Variants in RCAN2 observed in about 807,000 individuals in gnomAD.
RCAN2 encodes the protein calcipressin-2.
A neutral mutation model predicts 23.6 loss-of-function variants in RCAN2; 9 were observed. That is an observed-to-expected ratio of 0.38 (90% CI 0.23 to 0.67). The LOEUF (loss-of-function observed/expected upper bound fraction) is 0.67. Among genes scored for constraint, RCAN2 ranks in the 30% least tolerant of loss-of-function variants. The pLI is 0.51. For synonymous variants in RCAN2, 109 were observed against 115.7 expected (o/e 0.94, Z 0.37); for missense variants, 273 against 302.3 (o/e 0.90, Z 0.72).
At chr6:46,417,089 C>T (rs1766734849) in intron 2 of RCAN2, among the ~76,000 whole-genome samples, 1 of 152,176 alleles carries the variant, frequency 6.6e-6, no homozygotes, top group South Asian at 2.1e-4. Context: ...TCCAATATTG[C>T]TTTACTATTT....
intron 2 of RCAN2, among the ~76,000 whole-genome samples, chr6:46,346,880 T>A (rs74869372): frequency 0.45 from 68,080 of 151,166 alleles, 16,191 homozygotes; most frequent in East Asian, 0.61. Context: ...TTAATTAATT[T>A]ATTTATTTAT....
intron 2 of RCAN2, among the ~76,000 whole-genome samples, chr6:46,354,946 T>C (rs1020464403): frequency 7.6e-6 from 1 of 131,464 alleles, no homozygotes; most frequent in Non-Finnish European, 1.6e-5. Context: ...TGTGTGTGTG[T>C]TAGGCAGAAT....
chr6:46,446,321 G>A (rs980958489), intron 2 of RCAN2, among the ~76,000 whole-genome samples: 5 of 142,070 alleles, frequency 3.5e-5, no homozygotes, highest in Non-Finnish European at 7.7e-5. Context: ...GGTGCTGGGG[G>A]GAAACTGCCA....
At chr6:46,414,595 T>C (rs989269457) in intron 2 of RCAN2, among the ~76,000 whole-genome samples, 2 of 152,186 alleles carry the variant, frequency 1.3e-5, no homozygotes, top group South Asian at 2.1e-4. Context: ...ACCCTCCATA[T>C]GTGGGTGGAC....
chr6:46,254,614 A>G (rs1176128766), intron 2 of RCAN2, among the ~76,000 whole-genome samples: 3 of 152,172 alleles, frequency 2.0e-5, no homozygotes, highest in African/African-American at 7.2e-5. Context: ...CACGGTCACA[A>G]GCAGATTTTT....
chr6:46,393,544 A>G (rs568791937), intron 2 of RCAN2, among the ~76,000 whole-genome samples: 3 of 152,322 alleles, frequency 2.0e-5, no homozygotes, highest in African/African-American at 7.2e-5. Flanking sequence ...CATTTTCTAA[A>G]TACTCTATTT....
chr6:46,418,364 TA>T (rs1229902754), intron 2 of RCAN2, among the ~76,000 whole-genome samples: 3 of 152,194 alleles, frequency 2.0e-5, no homozygotes, highest in Non-Finnish European at 2.9e-5. Context: ...TTCAGCCCTC[TA>T]ATCATTAAAG....
At chr6:46,440,268 T>G (rs1161933300) in intron 2 of RCAN2, among the ~76,000 whole-genome samples, 1 of 152,200 alleles carries the variant, frequency 6.6e-6, no homozygotes, top group African/African-American at 2.4e-5. Flanking sequence ...AGTGCTTTTC[T>G]AAAACCATGT....
intron 2 of RCAN2, among the ~76,000 whole-genome samples, chr6:46,291,434 C>T (rs564549996): frequency 6.6e-6 from 1 of 151,760 alleles, no homozygotes; most frequent in South Asian, 2.1e-4. Flanking sequence ...GCCACCGAGT[C>T]CCAGCGGTGG....
chr6:46,375,917 C>T (rs969866707), intron 2 of RCAN2, among the ~76,000 whole-genome samples: 2 of 152,220 alleles, frequency 1.3e-5, no homozygotes, highest in Non-Finnish European at 2.9e-5. Context: ...CTAGACCATA[C>T]ACAATGGGCC....
intron 2 of RCAN2, among the ~76,000 whole-genome samples, chr6:46,438,921 G>T (rs1282258058): frequency 6.6e-6 from 1 of 152,136 alleles, no homozygotes; most frequent in Non-Finnish European, 1.5e-5. Context: ...CTTTCGCTTT[G>T]TTAGTGTATT....
At chr6:46,366,969 C>T (rs925493429) in intron 2 of RCAN2, among the ~76,000 whole-genome samples, 2 of 139,300 alleles carry the variant, frequency 1.4e-5, no homozygotes, top group Admixed American at 7.6e-5. Flanking sequence ...TAGCCCAACT[C>T]CCCACCCACT....
At chr6:46,409,572 T>C (rs1387602903) in intron 2 of RCAN2, among the ~76,000 whole-genome samples, 1 of 152,198 alleles carries the variant, frequency 6.6e-6, no homozygotes, top group Non-Finnish European at 1.5e-5. Flanking sequence ...AGATCACTTT[T>C]TCCAATATAT....
intron 4 of RCAN2, among the ~76,000 whole-genome samples, chr6:46,232,444 T>C (rs1765929244): frequency 2.0e-5 from 3 of 151,748 alleles, no homozygotes; most frequent in Non-Finnish European, 4.4e-5. Context: ...TGGTTGGGGG[T>C]GTCTCTAAGC....
chr6:46,411,136 G>A (rs1380126342), intron 2 of RCAN2, among the ~76,000 whole-genome samples: 1 of 152,204 alleles, frequency 6.6e-6, no homozygotes, highest in African/African-American at 2.4e-5. Flanking sequence ...ATACAGGGAT[G>A]AATGGATAAG....
In RCAN2 at chr6:46,410,219, T is replaced by C. The variant is rs1766507581; in HGVS notation, c.225+46533A>G. ...GGTTCTGGGGCCTTCTGACTTGAAC[T>C]GAGCCATGCTACTAGCATCCCAGGT... On this transcript the variant is annotated intron_variant, in intron 2 of 4. Transcript: ENST00000371374. 4.6e-5 allele frequency among the ~76,000 whole-genome samples: 7 copies of C among 152,172 alleles called. No homozygotes were observed. In the South Asian group the frequency reaches 1.4e-3, roughly 31 times the overall value.
chr6:46,243,834 CA>C (rs1161436269), intron 4 of RCAN2, among the ~76,000 whole-genome samples: 1 of 61,512 alleles, frequency 1.6e-5, no homozygotes, highest in African/African-American at 6.3e-5. Flanking sequence ...AAAAAAAAAC[CA>C]AGAAATAATT....
At chr6:46,446,187 C>T (rs927057199) in intron 2 of RCAN2, among the ~76,000 whole-genome samples, 11 of 149,086 alleles carry the variant, frequency 7.4e-5, no homozygotes, top group Non-Finnish European at 1.6e-4. Context: ...AGAAACATAT[C>T]ACACGTAATG....
intron 2 of RCAN2, among the ~76,000 whole-genome samples, chr6:46,288,723 T>A (rs567633375): frequency 6.6e-6 from 1 of 152,380 alleles, no homozygotes; most frequent in East Asian, 1.9e-4. Flanking sequence ...GAAGGCAACC[T>A]ATTGCCTTGG....
Sources: allele counts gnomAD v4.1 joint callset (sites outside exome capture counted in the v4.1 genomes callset), GRCh38; gene constraint gnomAD v4.1.1; transcripts MANE v1.5; gene names NCBI Gene and HGNC (gene_info 2026-07-23, HGNC 2026-07-21).